Variants in TANK observed in about 807,000 individuals in gnomAD.
TANK encodes TRAF family member associated NFKB activator, also known as TRAF family member-associated NF-kappa-B activator.
A neutral mutation model predicts 43.6 loss-of-function variants in TANK; 15 were observed. The observed-to-expected ratio is 0.34, with a 90% CI of 0.23 to 0.53. TANK has a LOEUF of 0.53. Among genes scored for constraint, TANK ranks in the 20% least tolerant of loss-of-function variants. The probability of loss-of-function intolerance (pLI) is 0.94; values close to 1 mark genes in which losing one functional copy is unlikely to be tolerated. For missense variants in TANK, 417 were observed against 498.6 expected, an observed-to-expected ratio of 0.84 and a Z score of 1.56; for synonymous variants, 162 against 178.2, an observed-to-expected ratio of 0.91 and a Z score of 0.73.
chr2:161,184,667 G>C (rs1343058765), intron 2 of TANK, among the ~76,000 whole-genome samples: 1 of 152,162 alleles, frequency 6.6e-6, no homozygotes, highest in African/African-American at 2.4e-5. Flanking sequence ...CTGAGGCCTG[G>C]TACCCTCTCA....
In TANK at chr2:161,205,142, T is replaced by C. The variant is rs147350668; in HGVS notation, c.327+349T>C. Among the ~76,000 whole-genome samples the C allele has an allele frequency of 2.7e-3, 409 of 152,090 alleles. 1 individual carries two copies. Among genetic ancestry groups the C allele is most frequent in the African/African-American group, 9.4e-3 (388 of 41,484 alleles). The stretch of plus-strand genomic sequence containing the variant: ...CAGTTTGAGACCAGCCTGGGCAACA[T>C]AGGGGGATCCCTATCTCTATAAAAA... On this transcript the variant is annotated intron_variant, in intron 4 of 7. Coordinates refer to ENST00000392749, the MANE Select transcript of TANK (RefSeq NM_001199135.3).
intron 2 of TANK, among the ~76,000 whole-genome samples, chr2:161,182,406 A>G (rs750589338): frequency 2.6e-5 from 4 of 152,076 alleles, no homozygotes; most frequent in Admixed American, 6.6e-5. Flanking sequence ...AGTTCCCACA[A>G]TCCCCTCTTT....
Position 161,170,717 on chromosome 2 carries a change from A to G in TANK, c.-49-8897A>G, listed in dbSNP as rs141792524. On this transcript the variant is annotated intron_variant, in intron 1 of 7. Coordinates refer to ENST00000392749, the MANE Select transcript of TANK (RefSeq NM_001199135.3). ...CTAATTTACTGACAGGTTGCGAACC[A>G]ATGTCCTACAGCCTGACTCTACGCC... 1.5e-3 allele frequency among the ~76,000 whole-genome samples: 230 copies of G among 152,308 alleles called. 1 individual carries two copies. The highest frequency in any genetic ancestry group is 5.0e-3 in the African/African-American group (209 of 41,582).
intron 1 of TANK, among the ~76,000 whole-genome samples, chr2:161,167,771 C>T (rs1003924222): frequency 6.6e-5 from 10 of 152,014 alleles, no homozygotes; most frequent in African/African-American, 1.5e-4. Context: ...TACAAATGCC[C>T]GCCACCACGA....
intron 1 of TANK, among the ~76,000 whole-genome samples, chr2:161,176,506 C>A (rs1685180189): frequency 6.6e-6 from 1 of 152,132 alleles, no homozygotes; most frequent in Non-Finnish European, 1.5e-5. Flanking sequence ...TGATCTAATT[C>A]AAGGACCTGA....
intron 2 of TANK, among the ~76,000 whole-genome samples, chr2:161,181,111 T>C (rs1685402557): frequency 6.6e-6 from 1 of 152,178 alleles, no homozygotes; most frequent in African/African-American, 2.4e-5. Context: ...CTCACACTGC[T>C]ATACACTGCT....
chr2:161,139,430 C>A (rs1271531203), intron 1 of TANK, among the ~76,000 whole-genome samples: 3 of 152,132 alleles, frequency 2.0e-5, no homozygotes, highest in Admixed American at 2.0e-4. Flanking sequence ...TTTTTGATAT[C>A]ATTAGAGACA....
chr2:161,204,942 C>G, intron 4 of TANK, 149 bp downstream of exon 4: 2 of 1,428,236 alleles, frequency 1.4e-6, no homozygotes, highest in Non-Finnish European at 1.8e-6. Context: ...AATAGAAGAA[C>G]TATTTTCAAG....
chr2:161,157,944 G>C (rs905960657), upstream of TANK, among the ~76,000 whole-genome samples: 2 of 152,022 alleles, frequency 1.3e-5, no homozygotes, highest in Non-Finnish European at 2.9e-5. Context: ...TTGGCCTCCC[G>C]AAGTGCTGGG....
At position 161,203,493 on chromosome 2, in the gene TANK, A is replaced by G. The variant is rs199823382; in HGVS notation, c.106A>G (p.Asn36Asp). ...AVKELQQKTE[N>D]YEQRIREQQE... ...CTGGTTTTTATGTCAGCAGACTGAG[A>G]ACTATGAGCAGAGAATACGTGAACA... is the stretch of plus-strand genomic sequence containing the variant. The change falls in exon 3 of 8, where the codon AAC becomes GAC. Residue 36 changes from asparagine (N) to aspartate (D), a missense_variant. Physicochemically the swap from Asn to Asp is conservative, Grantham distance 23 (BLOSUM62 1). Coordinates refer to ENST00000392749, the MANE Select transcript of TANK (RefSeq NM_001199135.3). 19 of 1,608,338 alleles carry G rather than the reference A, an allele frequency of 1.2e-5. No homozygotes were observed. The highest frequency in any genetic ancestry group is 6.8e-5 in the Admixed American group (4 of 58,426).
intron 2 of TANK, among the ~76,000 whole-genome samples, chr2:161,197,020 G>C (rs945896900): frequency 1.3e-5 from 2 of 152,156 alleles, no homozygotes; most frequent in Admixed American, 6.6e-5. Context: ...AAAAAAGTGT[G>C]ATACGTATAC....
At chr2:161,184,382 A>G (rs922110543) in intron 2 of TANK, among the ~76,000 whole-genome samples, 2 of 152,208 alleles carry the variant, frequency 1.3e-5, no homozygotes, top group African/African-American at 2.4e-5. Context: ...GCAATATAAA[A>G]TAACTGGCAA....
chr2:161,211,817 G>A (rs1398408794), intron 4 of TANK: 2 of 985,274 alleles, frequency 2.0e-6, no homozygotes, highest in African/African-American at 1.7e-5. Context: ...ACGTGTTTGT[G>A]TGTAGTACCT....
chr2:161,184,247 T>C (rs1021457674), intron 2 of TANK, among the ~76,000 whole-genome samples: 1 of 152,190 alleles, frequency 6.6e-6, no homozygotes, highest in Non-Finnish European at 1.5e-5. Context: ...GAAGGATTAT[T>C]TGTGCTTTGG....
intron 1 of TANK, among the ~76,000 whole-genome samples, chr2:161,164,262 C>T (rs1383371476): frequency 6.6e-6 from 1 of 152,084 alleles, no homozygotes; most frequent in Non-Finnish European, 1.5e-5. Context: ...ACTGTTTATC[C>T]TTTTTGTTTT....
intron 4 of TANK, among the ~76,000 whole-genome samples, chr2:161,220,135 C>T (rs1050752546): frequency 6.6e-6 from 1 of 152,114 alleles, no homozygotes. Context: ...ATGCAAGGAT[C>T]GTAACTAAAG....
Position 161,190,068 on chromosome 2 carries a change from T to A in TANK, c.99+10307T>A, listed in dbSNP as rs1685842862. On this transcript the variant is annotated intron_variant, in intron 2 of 7. Coordinates refer to ENST00000392749, the MANE Select transcript of TANK (RefSeq NM_001199135.3). ...CAACCCACAGAATAAAAGAAAATAT[T>A]TGCAAGTCATATTTGGTAAGAAATT... Among the ~76,000 whole-genome samples the A allele has an allele frequency of 3.9e-5, 6 of 152,122 alleles. 1 individual carries two copies. In the South Asian group the frequency reaches 1.2e-3, roughly 31 times the overall value.
At chr2:161,219,148 C>T (rs1687239582) in intron 4 of TANK, among the ~76,000 whole-genome samples, 1 of 152,168 alleles carries the variant, frequency 6.6e-6, no homozygotes, top group Non-Finnish European at 1.5e-5. Context: ...AAGTATTCAT[C>T]TCATTCTACA....
At chr2:161,161,255 A>G in intron 1 of TANK, 1 of 1,549,760 alleles carries the variant, frequency 6.5e-7, no homozygotes, top group Non-Finnish European at 8.7e-7. Context: ...CAGCCTTGCT[A>G]TGTAAAGTGG....
Sources: allele counts gnomAD v4.1 joint callset (sites outside exome capture counted in the v4.1 genomes callset), GRCh38; gene constraint gnomAD v4.1.1; transcripts MANE v1.5; gene names NCBI Gene and HGNC (gene_info 2026-07-23, HGNC 2026-07-21).